The following RGS6 variants were observed in gnomAD, a reference collection of about 807,000 sequenced individuals.
The protein encoded by RGS6 is regulator of G protein signaling 6.
In RGS6, 30 loss-of-function variants were observed where a neutral mutation model predicts 78.5. The ratio of observed to expected loss-of-function variants is 0.38; its 90% CI spans 0.29 to 0.52. The LOEUF (loss-of-function observed/expected upper bound fraction) is 0.52, where lower values mean the gene tolerates loss of function less well. Ranked by LOEUF, RGS6 falls within the 20% of genes least tolerant of loss-of-function variation. The probability of loss-of-function intolerance (pLI) is 0.85; values close to 1 mark genes in which losing one functional copy is unlikely to be tolerated. For missense variants in RGS6, 495 were observed against 609.7 expected (o/e 0.81, Z 1.98); for synonymous variants, 206 against 206.0 (o/e 1.00, Z 0.00).
chr14:72,352,212 A>G lies in RGS6; in HGVS notation c.184+18A>G, dbSNP rs376022120. 21 of 1,584,050 alleles carry G rather than the reference A, an allele frequency of 1.3e-5. No homozygotes were observed. The East Asian group carries it at 2.2e-4, about 17-fold the overall frequency. ...CGTCACAGGTAACACCCTCCTTGCA[A>G]GGTGTTGGTAACAGTCAGAACTACC... On this transcript the variant is annotated intron_variant, in intron 3 of 17. Coordinates refer to ENST00000553525, the MANE Select transcript of RGS6 (RefSeq NM_001204424.2).
At chr14:71,914,344 G>A in the RGS6 span, among the ~76,000 whole-genome samples, 1 of 152,170 alleles carries the variant, frequency 6.6e-6, no homozygotes, top group Admixed American at 6.5e-5. Flanking sequence ...AGGTTGCTTT[G>A]GTTGTCCTGG....
At position 72,047,892 on chromosome 14, in the gene RGS6, A is replaced by ATTTTTTT. The variant is rs1470612017; in HGVS notation, c.84+83022_84+83023insTTTTTTT. 4.8e-5 allele frequency among the ~76,000 whole-genome samples: 4 copies of ATTTTTTT among 83,448 alleles called. 2 individuals are homozygous for ATTTTTTT. Among genetic ancestry groups the ATTTTTTT allele is most frequent in the African/African-American group, 1.1e-4 (2 of 18,874 alleles). 54.7% of individuals were successfully genotyped at this position (83,448 alleles called of 152,430 possible). ...AGGCATGTGCCACTATGCCCAGCTA[A>ATTTTTTT]TTTTTGTTTTTTTTTTTTTTTTTTT... On this transcript the variant is annotated intron_variant, in intron 2 of 17. Coordinates refer to ENST00000553525, the MANE Select transcript of RGS6 (RefSeq NM_001204424.2).
At chr14:71,987,491 G>T (rs945009944) in intron 2 of RGS6, among the ~76,000 whole-genome samples, 13 of 152,042 alleles carry the variant, frequency 8.6e-5, no homozygotes, top group Non-Finnish European at 1.9e-4. Flanking sequence ...ATCCAGTGTG[G>T]CTTCCTTATA....
chr14:71,886,773 T>C, the RGS6 span, among the ~76,000 whole-genome samples: 1 of 152,202 alleles, frequency 6.6e-6, no homozygotes, highest in African/African-American at 2.4e-5. Flanking sequence ...ATCCAGGGCT[T>C]ATGGAAGGGC....
chr14:72,343,503 CA>C (rs1469509317), intron 2 of RGS6, among the ~76,000 whole-genome samples: 3 of 152,244 alleles, frequency 2.0e-5, no homozygotes, highest in Non-Finnish European at 4.4e-5. Flanking sequence ...ATCACATCTA[CA>C]AAGTCCCTTT....
chr14:72,192,358 G>A (rs775666259), intron 2 of RGS6, among the ~76,000 whole-genome samples: 4 of 152,084 alleles, frequency 2.6e-5, no homozygotes, highest in Non-Finnish European at 5.9e-5. Context: ...GGAGAAAGAT[G>A]GTACAAAGAA....
At chr14:71,929,812 C>A (rs961128696), upstream of RGS6, among the ~76,000 whole-genome samples, 4 of 152,122 alleles carry the variant, frequency 2.6e-5, no homozygotes, top group Non-Finnish European at 5.9e-5. Context: ...TCAGCATGGA[C>A]TCATGGACTC....
intron 2 of RGS6, among the ~76,000 whole-genome samples, chr14:71,976,675 A>G (rs1033726457): frequency 6.6e-6 from 1 of 152,036 alleles, no homozygotes; most frequent in South Asian, 2.1e-4. Flanking sequence ...TGGACATTTG[A>G]GTTGGTTCCA....
chr14:72,607,628 T>C, the RGS6 span, among the ~76,000 whole-genome samples: 1 of 152,218 alleles, frequency 6.6e-6, no homozygotes, highest in Non-Finnish European at 1.5e-5. Flanking sequence ...CAGCTCTCTG[T>C]GCAGATGAAA....
intron 14 of RGS6, among the ~76,000 whole-genome samples, chr14:72,518,030 C>T (rs949850552): frequency 2.6e-5 from 4 of 152,178 alleles, no homozygotes; most frequent in African/African-American, 7.2e-5. Flanking sequence ...CACAGAATAG[C>T]CTCAACAACA....
intron 3 of RGS6, among the ~76,000 whole-genome samples, chr14:72,383,683 T>A (rs1351968891): frequency 6.6e-6 from 1 of 152,188 alleles, no homozygotes; most frequent in African/African-American, 2.4e-5. Flanking sequence ...TCAGTACTAA[T>A]TTCTCTCACT....
rs144683126 is a variant in RGS6 at position 71,941,425 on chromosome 14, C to T, written c.-21+8484C>T. On this transcript the variant is annotated intron_variant, in intron 1 of 17. Coordinates refer to ENST00000553525, the MANE Select transcript of RGS6 (RefSeq NM_001204424.2). ...TTCTTAATATTCTGTTCATCTAGAA[C>T]CACTCCTGGTACCAAAATCTGTATT... 2.9e-3 allele frequency among the ~76,000 whole-genome samples: 442 copies of T among 152,334 alleles called. 1 individual carries two copies. Among genetic ancestry groups the T allele is most frequent in the African/African-American group, 0.01 (420 of 41,584 alleles).
chr14:72,367,855 C>G (rs936571486), intron 3 of RGS6, among the ~76,000 whole-genome samples: 1 of 152,194 alleles, frequency 6.6e-6, no homozygotes, highest in Admixed American at 6.5e-5. Context: ...AGTTTTCTCA[C>G]CTGTTAATTG....
chr14:72,115,598 C>T (rs1459977816), intron 2 of RGS6, among the ~76,000 whole-genome samples: 2 of 152,122 alleles, frequency 1.3e-5, no homozygotes, highest in African/African-American at 4.8e-5. Flanking sequence ...GCTTCCTGCC[C>T]CCTCAGCCTG....
intron 16 of RGS6, 92 bp from the exon 17 acceptor site, chr14:72,539,949 A>T: frequency 8.9e-7 from 1 of 1,127,336 alleles, no homozygotes; most frequent in Non-Finnish European, 1.2e-6. Context: ...GTTATTCTTT[A>T]GCTGCAGCTG....
At position 72,047,451 on chromosome 14, in the gene RGS6, T is replaced by C. The variant is rs547778964; in HGVS notation, c.84+82576T>C. Among the ~76,000 whole-genome samples the C allele has an allele frequency of 2.0e-5, 3 of 152,336 alleles. No individual in the cohort carries two copies. In the South Asian group the frequency reaches 6.2e-4, roughly 32 times the overall value. ...AACAGCTAATAAGTGAAGCTGGCGA[T>C]ATGTCCTGTTTTAGCTACTAACATT... On this transcript the variant is annotated intron_variant, in intron 2 of 17. Coordinates refer to ENST00000553525, the MANE Select transcript of RGS6 (RefSeq NM_001204424.2).
At chr14:72,358,041 G>T (rs753188826) in intron 3 of RGS6, among the ~76,000 whole-genome samples, 19 of 152,136 alleles carry the variant, frequency 1.2e-4, no homozygotes, top group African/African-American at 4.3e-4. Flanking sequence ...GGTACAGCTC[G>T]GGCCATGGCT....
chr14:72,185,088 G>C (rs556211980), intron 2 of RGS6, among the ~76,000 whole-genome samples: 5 of 152,198 alleles, frequency 3.3e-5, no homozygotes, highest in Non-Finnish European at 7.3e-5. Context: ...GAAGAACTTG[G>C]AGTCTGATGT....
chr14:72,259,291 A>T (rs1520326), intron 2 of RGS6, among the ~76,000 whole-genome samples: 124 of 152,110 alleles, frequency 8.2e-4, no homozygotes, highest in Non-Finnish European at 1.3e-3. Flanking sequence ...ACTATATATC[A>T]AAATTAATTG....
Sources: gnomAD v4.1 joint callset for allele counts (sites outside exome capture counted in the v4.1 genomes callset) on GRCh38, gnomAD v4.1.1 for gene constraint, MANE v1.5 for transcripts, NCBI Gene and HGNC (gene_info 2026-07-23, HGNC 2026-07-21) for gene names.